Variants in PRORP observed in about 807,000 individuals in gnomAD.
PRORP encodes the protein mitochondrial ribonuclease P catalytic subunit.
A neutral mutation model predicts 59.4 loss-of-function variants in PRORP; 51 were observed. That is an observed-to-expected ratio of 0.86 (90% CI 0.69 to 1.08). The LOEUF is 1.08. Among genes scored for constraint, PRORP ranks in the 50% least tolerant of loss-of-function variants. The pLI, the probability that PRORP is intolerant of heterozygous loss-of-function variation, is 0.00. For synonymous variants in PRORP, 231 were observed against 245.6 expected (o/e 0.94, Z 0.55); for missense variants, 646 against 690.3 (o/e 0.94, Z 0.72).
chr14:35,155,793 G>C (rs1376322653), intron 4 of PRORP, among the ~76,000 whole-genome samples: 2 of 151,960 alleles, frequency 1.3e-5, no homozygotes, highest in East Asian at 3.9e-4. Flanking sequence ...TACCACTATA[G>C]AGAATGAAAG....
At chr14:35,189,091 A>G (rs1327188621) in intron 5 of PRORP, among the ~76,000 whole-genome samples, 1 of 152,114 alleles carries the variant, frequency 6.6e-6, no homozygotes, top group African/African-American at 2.4e-5. Flanking sequence ...TACCTGATAA[A>G]CCAACATAAT....
At chr14:35,248,642 A>G (rs2050541356) in intron 5 of PRORP, among the ~76,000 whole-genome samples, 1 of 152,250 alleles carries the variant, frequency 6.6e-6, no homozygotes, top group Non-Finnish European at 1.5e-5. Flanking sequence ...TATGACAAGA[A>G]TATTTGAAAC....
At chr14:35,158,223 T>A (rs1322919706) in intron 4 of PRORP, 1 of 258,802 alleles carries the variant, frequency 3.9e-6, no homozygotes, top group African/African-American at 2.3e-5. Flanking sequence ...AAGCCCTTAT[T>A]TGTTATCAAC....
chr14:35,245,003 GC>G (rs1324656327), intron 5 of PRORP, among the ~76,000 whole-genome samples: 2 of 152,194 alleles, frequency 1.3e-5, no homozygotes, highest in Non-Finnish European at 2.9e-5. Flanking sequence ...TTATGATCTG[GC>G]TTTATTCTTT....
intron 4 of PRORP, among the ~76,000 whole-genome samples, chr14:35,133,070 C>T (rs1039436949): frequency 5.3e-5 from 8 of 151,948 alleles, no homozygotes; most frequent in Non-Finnish European, 8.8e-5. Flanking sequence ...TACAGGTTCA[C>T]GTCACCACGC....
chr14:35,161,425 A>G (rs1364820329), intron 4 of PRORP, among the ~76,000 whole-genome samples: 5 of 152,184 alleles, frequency 3.3e-5, no homozygotes, highest in African/African-American at 7.2e-5. Context: ...CTGTGTTGGC[A>G]CTTTAGAGCA....
At chr14:35,271,088 A>G (rs1390310443) in intron 7 of PRORP, among the ~76,000 whole-genome samples, 2 of 151,200 alleles carry the variant, frequency 1.3e-5, no homozygotes, top group Admixed American at 6.7e-5. Context: ...CTCCGTCTCA[A>G]AAACAAAAAA....
Position 35,123,103 on chromosome 14 carries a change from T to C in PRORP, c.-143T>C, listed in dbSNP as rs1254603559. 1.2e-6 allele frequency: 1 copy of C among 838,528 alleles called. No individual in the cohort carries two copies. The highest frequency in any genetic ancestry group is 1.7e-5 in the African/African-American group (1 of 58,798). 51.9% of individuals were successfully genotyped at this position (838,528 alleles called of 1,614,324 possible). A position where few individuals can be genotyped will look rare whatever the true frequency, so the allele number is the denominator to read the frequency against. ...AGTAGCCCCAAAAGCAGAACCTTGA[T>C]TTGTCTGTAAGGAAGAAACACAAAC... On this transcript the variant is annotated 5_prime_UTR_variant, in exon 2 of 8. Coordinates refer to ENST00000534898, the MANE Select transcript of PRORP (RefSeq NM_014672.4).
At chr14:35,182,794 G>A (rs1328127072) in intron 5 of PRORP, among the ~76,000 whole-genome samples, 1 of 152,150 alleles carries the variant, frequency 6.6e-6, no homozygotes, top group African/African-American at 2.4e-5. Context: ...TGAAGAGGTA[G>A]GAAGGATGAT....
At chr14:35,131,144 T>C (rs1172144371) in intron 4 of PRORP, among the ~76,000 whole-genome samples, 1 of 151,874 alleles carries the variant, frequency 6.6e-6, no homozygotes, top group Non-Finnish European at 1.5e-5. Context: ...GGTTTCACCA[T>C]GTTGACCAGG....
At chr14:35,208,850 A>C (rs2049361909) in intron 5 of PRORP, among the ~76,000 whole-genome samples, 1 of 152,146 alleles carries the variant, frequency 6.6e-6, no homozygotes, top group African/African-American at 2.4e-5. Flanking sequence ...TCTCTACTAA[A>C]AATACAAAAA....
intron 4 of PRORP, among the ~76,000 whole-genome samples, chr14:35,154,481 T>G (rs938737115): frequency 1.3e-5 from 2 of 152,160 alleles, no homozygotes; most frequent in African/African-American, 4.8e-5. Context: ...TTCAAGATTT[T>G]AAGAAATAGT....
intron 5 of PRORP, 107 bp downstream of exon 5, chr14:35,180,884 C>CT: frequency 1.4e-6 from 1 of 710,602 alleles, no homozygotes; most frequent in South Asian, 1.7e-5. Flanking sequence ...TCCTCTAAAA[C>CT]TAAGGTCTTC....
intron 4 of PRORP, among the ~76,000 whole-genome samples, chr14:35,151,101 T>C (rs2047734058): frequency 6.6e-6 from 1 of 152,212 alleles, no homozygotes; most frequent in Admixed American, 6.5e-5. Context: ...GTGAGTTCTT[T>C]ATAATCATCT....
intron 4 of PRORP, among the ~76,000 whole-genome samples, chr14:35,154,966 C>T (rs1035226928): frequency 2.0e-5 from 3 of 152,122 alleles, no homozygotes; most frequent in Non-Finnish European, 2.9e-5. Flanking sequence ...ACAATCACAG[C>T]TCACCACAGC....
intron 5 of PRORP, among the ~76,000 whole-genome samples, chr14:35,236,373 C>T (rs2050214882): frequency 6.6e-6 from 1 of 152,108 alleles, no homozygotes; most frequent in Non-Finnish European, 1.5e-5. Flanking sequence ...AGCTAGCTTG[C>T]TCTAGTTTCT....
chr14:35,189,333 A>G (rs1427380424), intron 5 of PRORP, among the ~76,000 whole-genome samples: 1 of 152,064 alleles, frequency 6.6e-6, no homozygotes, highest in Non-Finnish European at 1.5e-5. Flanking sequence ...TCAGCCTCCC[A>G]AAGTGTTGGG....
At chr14:35,147,897 A>T (rs1287588321) in intron 4 of PRORP, among the ~76,000 whole-genome samples, 1 of 152,246 alleles carries the variant, frequency 6.6e-6, no homozygotes, top group African/African-American at 2.4e-5. Flanking sequence ...TCAAGAAACC[A>T]CTTTCTTTGC....
At chr14:35,267,510 A>C (rs1369008727) in intron 6 of PRORP, among the ~76,000 whole-genome samples, 1 of 152,140 alleles carries the variant, frequency 6.6e-6, no homozygotes, top group East Asian at 1.9e-4. Context: ...GCCCCGATGC[A>C]GGCCGGGCTC....
Sources: allele counts gnomAD v4.1 joint callset (sites outside exome capture counted in the v4.1 genomes callset), GRCh38; gene constraint gnomAD v4.1.1; transcripts MANE v1.5; gene names NCBI Gene and HGNC (gene_info 2026-07-23, HGNC 2026-07-21).